IQCM: variants seen among roughly 807,000 people sequenced by gnomAD.
The protein encoded by IQCM is IQ motif containing M, also known as IQ domain-containing protein M.
In IQCM, 45 loss-of-function variants were observed where a neutral mutation model predicts 57.6. The observed-to-expected ratio is 0.78, with a 90% CI of 0.62 to 1.00. The LOEUF (loss-of-function observed/expected upper bound fraction) is 1.00, where lower values mean the gene tolerates loss of function less well. Among genes scored for constraint, IQCM ranks in the 50% least tolerant of loss-of-function variants. The probability of loss-of-function intolerance (pLI) is 0.00; values close to 1 mark genes in which losing one functional copy is unlikely to be tolerated. For synonymous variants in IQCM, 148 were observed against 158.9 expected, an observed-to-expected ratio of 0.93 and a Z score of 0.51; for missense variants, 468 against 511.6, an observed-to-expected ratio of 0.91 and a Z score of 0.82.
At chr4:149,518,049 C>T (rs1280033484) in intron 12 of IQCM, among the ~76,000 whole-genome samples, 1 of 152,178 alleles carries the variant, frequency 6.6e-6, no homozygotes, top group Non-Finnish European at 1.5e-5. Context: ...AGTAATGACA[C>T]AAGCATATTT....
chr4:149,578,714 C>G (rs1370245729), intron 9 of IQCM, among the ~76,000 whole-genome samples: 3 of 151,836 alleles, frequency 2.0e-5, no homozygotes, highest in Non-Finnish European at 1.5e-5. Flanking sequence ...GTCCACAATT[C>G]AGGTGATTCT....
intron 9 of IQCM, among the ~76,000 whole-genome samples, chr4:149,578,785 T>TACC (rs2149979426): frequency 6.6e-6 from 1 of 152,002 alleles, no homozygotes; most frequent in South Asian, 2.1e-4. Context: ...TATCAGGGAC[T>TACC]ACCATTTCCA....
chr4:149,401,786 C>T (rs1732635534), intron 13 of IQCM, among the ~76,000 whole-genome samples: 2 of 151,698 alleles, frequency 1.3e-5, no homozygotes, highest in South Asian at 2.1e-4. Context: ...TATTTTTCAG[C>T]ACTGCTAATG....
intron 5 of IQCM, among the ~76,000 whole-genome samples, chr4:149,718,531 G>A (rs780897617): frequency 6.6e-6 from 1 of 152,202 alleles, no homozygotes; most frequent in Non-Finnish European, 1.5e-5. Flanking sequence ...TTAGAAAAAT[G>A]ATGTCTAGAA....
chr4:149,787,222 C>T (rs911712121), intron 2 of IQCM, among the ~76,000 whole-genome samples: 1 of 151,634 alleles, frequency 6.6e-6, no homozygotes, highest in Admixed American at 6.6e-5. Flanking sequence ...GTGCAGCAAA[C>T]CACCACAGCA....
At chr4:149,501,863 G>T (rs1393441873) in intron 12 of IQCM, among the ~76,000 whole-genome samples, 1 of 152,262 alleles carries the variant, frequency 6.6e-6, no homozygotes. Flanking sequence ...GATCAGGAAG[G>T]TTGACCCTGG....
chr4:149,382,372 T>C (rs1731138990), intron 13 of IQCM, among the ~76,000 whole-genome samples: 1 of 152,174 alleles, frequency 6.6e-6, no homozygotes, highest in Non-Finnish European at 1.5e-5. Flanking sequence ...CTTTGTTCTA[T>C]TTAGATTCTG....
In IQCM at chr4:149,548,572, C is replaced by G; in HGVS notation, c.1111G>C (p.Ala371Pro). ...ATTTTTGGCCAATCTTCCCTCTTAG[C>G]AAACATTATTTCATAGACTAAAAGG... is the stretch of plus-strand genomic sequence containing the variant. ...DRKKFYEIMF[A>P]KREDWPKIER... The change falls in exon 12 of 14, where the codon GCT becomes CCT. Residue 371 changes from alanine (A) to proline (P), a missense_variant. By Grantham distance (27) the Ala-to-Pro change is conservative. Transcript: ENST00000636793. The G allele has an allele frequency of 8.2e-7, 1 of 1,225,392 alleles. No homozygotes were observed. The highest frequency in any genetic ancestry group is 4.2e-5 in the Admixed American group (1 of 23,692). The allele number at this position is 1,225,392 out of a possible 1,614,324, so 75.9% of individuals were successfully genotyped here.
chr4:149,689,411 G>A (rs942322881), intron 5 of IQCM, among the ~76,000 whole-genome samples: 13 of 151,950 alleles, frequency 8.6e-5, no homozygotes, highest in Non-Finnish European at 1.5e-4. Context: ...GCCTGTGGGG[G>A]ATGGGAGAAC....
At chr4:149,415,476 T>A (rs1733684688) in intron 13 of IQCM, among the ~76,000 whole-genome samples, 1 of 152,168 alleles carries the variant, frequency 6.6e-6, no homozygotes, top group Non-Finnish European at 1.5e-5. Flanking sequence ...GTAAATCACA[T>A]AATAAATGGA....
chr4:149,481,837 A>G (rs554650734), intron 12 of IQCM, among the ~76,000 whole-genome samples: 3 of 151,352 alleles, frequency 2.0e-5, no homozygotes, highest in Admixed American at 2.0e-4. Context: ...CAGGAATTGC[A>G]TTGAATCTGT....
chr4:149,355,755 A>G (rs544916627), intron 13 of IQCM, among the ~76,000 whole-genome samples: 1 of 152,222 alleles, frequency 6.6e-6, no homozygotes, highest in South Asian at 2.1e-4. Flanking sequence ...TTGGGTATAT[A>G]CCCAGTAATG....
At position 149,736,931 on chromosome 4, in the gene IQCM, A is replaced by G. The variant is rs540521991; in HGVS notation, c.38-1473T>C. Among the ~76,000 whole-genome samples, 7 of 152,350 alleles carry G rather than the reference A, an allele frequency of 4.6e-5. No individual in the cohort carries two copies. In the South Asian group the frequency reaches 1.5e-3, roughly 32 times the overall value. On this transcript the variant is annotated intron_variant, in intron 3 of 13. Transcript: ENST00000636793. ...CTCATAATAATTCTAAATTGAAAAC[A>G]GCCCAGATATGTAACAACAGAAGAG...
chr4:149,452,251 TA>T (rs1450911901), intron 12 of IQCM, among the ~76,000 whole-genome samples: 1 of 151,568 alleles, frequency 6.6e-6, no homozygotes, highest in African/African-American at 2.4e-5. Context: ...TCAATATTGT[TA>T]AGACATCAAT....
intron 5 of IQCM, among the ~76,000 whole-genome samples, chr4:149,723,266 G>A (rs1765604453): frequency 6.6e-6 from 1 of 151,774 alleles, no homozygotes; most frequent in African/African-American, 2.4e-5. Context: ...TTCTAATTTG[G>A]ATGCGTCTTA....
At chr4:149,542,915 T>A (rs1196480028) in intron 12 of IQCM, among the ~76,000 whole-genome samples, 1 of 152,056 alleles carries the variant, frequency 6.6e-6, no homozygotes, top group East Asian at 1.9e-4. Context: ...AAGGAATAAA[T>A]AACTTGTCCA....
chr4:149,723,756 T>C (rs1024604246), intron 5 of IQCM, among the ~76,000 whole-genome samples: 1 of 151,970 alleles, frequency 6.6e-6, no homozygotes, highest in African/African-American at 2.4e-5. Context: ...TTGTTGTTGT[T>C]GTTATTTCCT....
chr4:149,550,007 T>C (rs1233054580), intron 11 of IQCM, among the ~76,000 whole-genome samples: 1 of 152,252 alleles, frequency 6.6e-6, no homozygotes, highest in Non-Finnish European at 1.5e-5. Flanking sequence ...GCAGTTTCTT[T>C]CAGTGCCCCA....
At chr4:149,430,192 A>C (rs535004330) in intron 13 of IQCM, among the ~76,000 whole-genome samples, 1 of 152,086 alleles carries the variant, frequency 6.6e-6, no homozygotes, top group Non-Finnish European at 1.5e-5. Context: ...TGTATGCACC[A>C]GCCCAGTGAT....
Sources: gnomAD v4.1 joint callset for allele counts (sites outside exome capture counted in the v4.1 genomes callset) on GRCh38, gnomAD v4.1.1 for gene constraint, MANE v1.5 for transcripts, NCBI Gene and HGNC (gene_info 2026-07-23, HGNC 2026-07-21) for gene names.